The following PLB1 variants were observed in gnomAD, a reference collection of about 807,000 sequenced individuals.
PLB1 encodes phospholipase B1.
In PLB1, 242 loss-of-function variants were observed where a neutral mutation model predicts 227.4. The observed-to-expected ratio is 1.06, with a 90% CI of 0.96 to 1.18. PLB1 has a LOEUF of 1.18. PLB1 is among the 50% of genes most tolerant of loss of function. The pLI, the probability that PLB1 is intolerant of heterozygous loss-of-function variation, is 0.00. For missense variants in PLB1, 1,858 were observed against 1,816.3 expected (o/e 1.02, Z -0.42); for synonymous variants, 757 against 682.2 (o/e 1.11, Z -1.71).
intron 16 of PLB1, 87 bp downstream of exon 16, chr2:28,550,171 T>G (rs1484877486): frequency 1.5e-5 from 6 of 396,960 alleles, no homozygotes; most frequent in Non-Finnish European, 1.5e-5. Flanking sequence ...TTCCACGTGG[T>G]TTTTTTTTTT....
At chr2:28,553,392 A>G (rs1674540757) in intron 17 of PLB1, among the ~76,000 whole-genome samples, 1 of 152,242 alleles carries the variant, frequency 6.6e-6, no homozygotes, top group South Asian at 2.1e-4. Context: ...CACAGAATGC[A>G]CTAAAACACC....
intron 2 of PLB1, among the ~76,000 whole-genome samples, chr2:28,517,864 C>T (rs1317992627): frequency 2.1e-5 from 3 of 146,284 alleles, no homozygotes; most frequent in Non-Finnish European, 3.0e-5. Context: ...CTTTCTAGAA[C>T]TTTCTCTTTT....
chr2:28,539,153 C>G lies in PLB1; in HGVS notation c.673C>G (p.Arg225Gly). The G allele has an allele frequency of 6.2e-7, 1 of 1,613,914 alleles. No individual in the cohort carries two copies. ...CCTCTCTGAGGTTGCAGAGGTCTCTCGTCAGTATCACGGCACTTGGCTCAG... is the reference window on the plus strand; with the variant it reads ...CCTCTCTGAGGTTGCAGAGGTCTCTGGTCAGTATCACGGCACTTGGCTCAG... ...VDLSEVAEVS[R>G]QYHGTWLSPA... The change falls in exon 11 of 58, where the codon CGT becomes GGT. Residue 225 changes from arginine to glycine, a missense_variant. Transcript: ENST00000327757.
At chr2:28,555,775 A>G (rs1007266210) in intron 17 of PLB1, among the ~76,000 whole-genome samples, 2 of 152,156 alleles carry the variant, frequency 1.3e-5, no homozygotes, top group Non-Finnish European at 2.9e-5. Context: ...AAAATCAACT[A>G]GACCAAAATG....
At chr2:28,623,426 TTC>T (rs768265084) in intron 49 of PLB1, among the ~76,000 whole-genome samples, 1 of 152,172 alleles carries the variant, frequency 6.6e-6, no homozygotes, top group Non-Finnish European at 1.5e-5. Flanking sequence ...TGCCCATGGA[TTC>T]TCTTAGTCAC....
chr2:28,504,604 A>G (rs1374971118), intron 1 of PLB1, among the ~76,000 whole-genome samples: 1 of 152,018 alleles, frequency 6.6e-6, no homozygotes, highest in Non-Finnish European at 1.5e-5. Flanking sequence ...TTAGCTGGGT[A>G]TGGTGGTGTG....
intron 17 of PLB1, among the ~76,000 whole-genome samples, chr2:28,556,841 A>C (rs1013542321): frequency 3.3e-5 from 5 of 152,198 alleles, no homozygotes; most frequent in African/African-American, 1.2e-4. Flanking sequence ...CAGTTCATTC[A>C]TTTATTTTAA....
rs1181566399 is a variant in PLB1 at position 28,585,835 on chromosome 2, A to G, written c.1808A>G (p.Lys603Arg). 1 of 1,604,294 alleles carries G rather than the reference A, an allele frequency of 6.2e-7. No homozygotes were observed. ...ELATLIEFNKKFQEKTHQLIE... is the reference protein window; with the variant it reads ...ELATLIEFNKRFQEKTHQLIE... ...GCTACCCTCATCGAATTCAACAAGA[A>G]GTTTCAGGTAAGCCGGGAAGGGGTT... Residue 603 changes from lysine to arginine, a missense_variant, in exon 26 of 58, where the codon AAG becomes AGG. Coordinates refer to ENST00000327757, the MANE Select transcript of PLB1 (RefSeq NM_153021.5).
intron 51 of PLB1, 79 bp from the exon 52 acceptor site, chr2:28,628,484 C>A: frequency 1.5e-6 from 2 of 1,333,478 alleles, no homozygotes; most frequent in South Asian, 2.3e-5. Flanking sequence ...TAGCCCAGGC[C>A]CCAGAGCCCT....
chr2:28,520,513 T>G (rs1444014357), intron 4 of PLB1, among the ~76,000 whole-genome samples: 1 of 152,220 alleles, frequency 6.6e-6, no homozygotes, highest in Non-Finnish European at 1.5e-5. Flanking sequence ...AGTTCACTAG[T>G]GTTAAATATA....
chr2:28,608,851 C>G (rs751077607), intron 43 of PLB1, among the ~76,000 whole-genome samples: 11 of 152,244 alleles, frequency 7.2e-5, no homozygotes, highest in Admixed American at 2.6e-4. Context: ...CCTCCTCCTC[C>G]CTTTCCCCAG....
intron 35 of PLB1, among the ~76,000 whole-genome samples, chr2:28,599,867 G>T (rs1036915859): frequency 6.6e-6 from 1 of 151,960 alleles, no homozygotes; most frequent in Non-Finnish European, 1.5e-5. Flanking sequence ...CACCCACCTT[G>T]CCTCCCAAAG....
intron 15 of PLB1, 104 bp downstream of exon 15, chr2:28,549,035 C>A: frequency 1.1e-6 from 1 of 921,196 alleles, no homozygotes; most frequent in South Asian, 1.4e-5. Context: ...AGATGTGAAT[C>A]CTGTTTCTGT....
At chr2:28,609,880 A>C (rs892834287) in intron 43 of PLB1, among the ~76,000 whole-genome samples, 2 of 152,072 alleles carry the variant, frequency 1.3e-5, no homozygotes, top group African/African-American at 4.8e-5. Context: ...TCCCACTGCC[A>C]CTGCAGGGGC....
chr2:28,635,804 TCCTCTACTGCTG>T (rs530342305), intron 56 of PLB1, among the ~76,000 whole-genome samples: 107 of 152,310 alleles, frequency 7.0e-4, no homozygotes, highest in African/African-American at 2.6e-3. Context: ...CGAGGCCTAG[TCCTCTACTGCTG>T]CCTCTACTCC....
intron 50 of PLB1, among the ~76,000 whole-genome samples, chr2:28,625,335 A>G (rs1687605544): frequency 6.6e-6 from 1 of 152,176 alleles, no homozygotes; most frequent in Non-Finnish European, 1.5e-5. Flanking sequence ...GGCAAGGTGG[A>G]ACAGGGAGTT....
At chr2:28,610,263 A>C (rs1270055235) in intron 43 of PLB1, among the ~76,000 whole-genome samples, 2 of 151,956 alleles carry the variant, frequency 1.3e-5, no homozygotes, top group East Asian at 3.9e-4. Context: ...TCTGTCCCCA[A>C]ATGTTCACAC....
At chr2:28,609,705 C>G (rs1034612138) in intron 43 of PLB1, among the ~76,000 whole-genome samples, 1 of 146,874 alleles carries the variant, frequency 6.8e-6, no homozygotes, top group African/African-American at 2.5e-5. Flanking sequence ...GGAACTAATT[C>G]TTTGTCTTCC....
intron 17 of PLB1, among the ~76,000 whole-genome samples, chr2:28,560,233 A>T (rs1453184325): frequency 6.6e-6 from 1 of 152,108 alleles, no homozygotes; most frequent in East Asian, 1.9e-4. Context: ...GCGTTGTGCC[A>T]CTAGACACAA....
Sources: allele counts gnomAD v4.1 joint callset (sites outside exome capture counted in the v4.1 genomes callset), GRCh38; gene constraint gnomAD v4.1.1; transcripts MANE v1.5; gene names NCBI Gene and HGNC (gene_info 2026-07-23, HGNC 2026-07-21).